The following DSCAML1 variants were observed in gnomAD, a reference collection of about 807,000 sequenced individuals.
DSCAML1 encodes the protein cell adhesion molecule DSCAML1.
DSCAML1 carries 38 observed loss-of-function variants against 200.5 expected under a neutral mutation model. The observed-to-expected ratio is 0.19, with a 90% confidence interval of 0.15 to 0.25. The LOEUF is 0.25. DSCAML1 is among the 10% of genes least tolerant of loss of function. DSCAML1 has a pLI of 1.00. For missense variants in DSCAML1, 2,223 were observed against 2,858.8 expected, an observed-to-expected ratio of 0.78 and a Z score of 5.07; for synonymous variants, 1,215 against 1,165.0, an observed-to-expected ratio of 1.04 and a Z score of -0.87.
In DSCAML1 at chr11:117,566,356, C is replaced by CT. The variant is rs367644615; in HGVS notation, c.512-33835dup. Among the ~76,000 whole-genome samples the CT allele has an allele frequency of 1.7e-3, 210 of 120,368 alleles. 1 individual carries two copies. Among genetic ancestry groups the CT allele is most frequent in the South Asian group, 4.8e-3 (20 of 4,144 alleles). 79.0% of individuals were successfully genotyped at this position (120,368 alleles called of 152,430 possible). ...TTCTTTTCTTTCTCTCTCTCTCTCT[C>CT]TTTTTTTTTTTTCTAGGGCCTTGCT... On this transcript the variant is annotated intron_variant, in intron 3 of 32. Coordinates refer to ENST00000651296, the MANE Select transcript of DSCAML1 (RefSeq NM_020693.4).
intron 3 of DSCAML1, among the ~76,000 whole-genome samples, chr11:117,569,948 A>C (rs762706153): frequency 2.0e-5 from 3 of 152,234 alleles, no homozygotes; most frequent in African/African-American, 7.2e-5. Context: ...GATGTGAATG[A>C]GAAATAAACT....
Position 117,471,930 on chromosome 11 carries a change from A to T in DSCAML1, c.2892T>A (p.Ser964=). The T allele has an allele frequency of 6.2e-7, 1 of 1,614,122 alleles. No homozygotes were observed. The highest frequency in any genetic ancestry group is 1.1e-5 in the South Asian group (1 of 91,062). ...PASVYSIRMY[S]FNKIGRSEPS... is the part of the protein sequence containing the mutation. ...GTTCACTGCGGCCAATCTTGTTGAA[A>T]GAGTACATGCGGATGCTGTACACAG... The change falls in exon 15 of 33, where the codon TCT becomes TCA. Residue 964 remains serine (S), a synonymous_variant. Coordinates refer to ENST00000651296, the MANE Select transcript of DSCAML1 (RefSeq NM_020693.4).
rs1227740809 is a variant in DSCAML1, at chr11:117,776,797, T to G, written c.505A>C (p.Ile169Leu). Residue 169 changes from isoleucine (I) to leucine (L), a missense_variant, in exon 3 of 33, where the codon ATC becomes CTC. Ile to Leu is a conservative substitution (Grantham distance 5). This residue lies in a region of DSCAML1 where 579 missense variants were observed against 721.5 expected (regional missense o/e 0.80). Transcript: ENST00000651296. The part of the protein sequence containing the change: ...VSWEKDTVSI[I>L]PEHRFFITYH... Reference sequence around the variant, plus strand: ...GCCCCGGGACGCTTCTTACCTGGGATGATGGAGACTGTGTCTTTCTCCCAA... The same window carrying G: ...GCCCCGGGACGCTTCTTACCTGGGAGGATGGAGACTGTGTCTTTCTCCCAA... 17 of 1,614,144 alleles carry G rather than the reference T, an allele frequency of 1.1e-5. No individual in the cohort carries two copies. Among genetic ancestry groups the G allele is most frequent in the Non-Finnish European group, 1.4e-5 (17 of 1,180,014 alleles).
intron 14 of DSCAML1, among the ~76,000 whole-genome samples, chr11:117,474,231 C>A (rs1382513846): frequency 6.6e-6 from 1 of 152,172 alleles, no homozygotes; most frequent in Non-Finnish European, 1.5e-5. Context: ...AATTTCTCTC[C>A]TGGCTTTTTG....
Position 117,602,485 on chromosome 11 carries a change from G to A in DSCAML1, c.512-69963C>T, listed in dbSNP as rs138856251. On this transcript the variant is annotated intron_variant, in intron 3 of 32. Transcript: ENST00000651296. Reference sequence around the variant, plus strand: ...AAGCAATCCTCCCACCTCAGCCTCCGGAGTAGCTGGGACCACAGGCATGCA... The same window carrying A: ...AAGCAATCCTCCCACCTCAGCCTCCAGAGTAGCTGGGACCACAGGCATGCA... Among the ~76,000 whole-genome samples, 1,481 of 152,164 alleles carry A rather than the reference G, an allele frequency of 9.7e-3. 29 individuals carry two copies. Among genetic ancestry groups the A allele is most frequent in the African/African-American group, 0.032 (1,348 of 41,534 alleles).
intron 3 of DSCAML1, among the ~76,000 whole-genome samples, chr11:117,755,765 T>C (rs1458381632): frequency 6.6e-6 from 1 of 152,146 alleles, no homozygotes; most frequent in Non-Finnish European, 1.5e-5. Context: ...CTCTGAGTGT[T>C]GGGGCTGACA....
rs548341645 is a variant in DSCAML1 at position 117,539,902 on chromosome 11, C to T, written c.512-7380G>A. On this transcript the variant is annotated intron_variant, in intron 3 of 32. Coordinates refer to ENST00000651296, the MANE Select transcript of DSCAML1 (RefSeq NM_020693.4). ...GTCCATCAACAGACAAATGGATAAA[C>T]GACATGTGATATATACATACAATGG... Among the ~76,000 whole-genome samples, 52 of 152,160 alleles carry T rather than the reference C, an allele frequency of 3.4e-4. 1 individual carries two copies. Among genetic ancestry groups the T allele is most frequent in the Middle Eastern group, 6.8e-3 (2 of 294 alleles).
intron 3 of DSCAML1, among the ~76,000 whole-genome samples, chr11:117,652,860 T>A (rs975192667): frequency 6.6e-5 from 10 of 152,052 alleles, no homozygotes; most frequent in African/African-American, 2.4e-4. Context: ...AAGCTTGGGG[T>A]CAGCTTCTCC....
At chr11:117,796,563 G>A (rs1186390501) in intron 1 of DSCAML1, among the ~76,000 whole-genome samples, 5 of 152,262 alleles carry the variant, frequency 3.3e-5, no homozygotes, top group Non-Finnish European at 5.9e-5. Flanking sequence ...GCTGGGGTCC[G>A]CGGCGGGAGA....
intron 21 of DSCAML1, among the ~76,000 whole-genome samples, chr11:117,441,525 C>CA (rs1555168452): frequency 6.6e-6 from 1 of 151,816 alleles, no homozygotes; most frequent in African/African-American, 2.4e-5. Flanking sequence ...ACAGAAGGTG[C>CA]GGGGCCACAG....
At chr11:117,640,937 A>C (rs928890483) in intron 3 of DSCAML1, among the ~76,000 whole-genome samples, 2 of 152,220 alleles carry the variant, frequency 1.3e-5, no homozygotes, top group Non-Finnish European at 2.9e-5. Context: ...CCATGAGCAC[A>C]TATGTCTGTG....
At chr11:117,517,835 G>A (rs1759888228) in intron 7 of DSCAML1, among the ~76,000 whole-genome samples, 1 of 152,358 alleles carries the variant, frequency 6.6e-6, no homozygotes, top group Middle Eastern at 3.4e-3. Context: ...GAACTGAGAT[G>A]TGGGGATGAT....
At chr11:117,456,490 A>G (rs1592604879) in intron 19 of DSCAML1, among the ~76,000 whole-genome samples, 1 of 152,170 alleles carries the variant, frequency 6.6e-6, no homozygotes, top group African/African-American at 2.4e-5. Flanking sequence ...AGTAGCTTTC[A>G]CTCTGAAGGC....
rs545302539 is a variant in DSCAML1 at position 117,569,774 on chromosome 11, A to G, written c.512-37252T>C. ...ACCAACAGATGCAGTTGAAATGATG[A>G]ACTCACTCCAGGCCTGGCTCCCAAG... is the stretch of plus-strand genomic sequence containing the variant. On this transcript the variant is annotated intron_variant, in intron 3 of 32. Coordinates refer to ENST00000651296, the MANE Select transcript of DSCAML1 (RefSeq NM_020693.4). Among the ~76,000 whole-genome samples the G allele has an allele frequency of 2.0e-5, 3 of 152,294 alleles. No homozygotes were observed. In the East Asian group the frequency reaches 5.8e-4, roughly 29 times the overall value.
In DSCAML1 at chr11:117,767,732, G is replaced by T. The variant is rs180706911; in HGVS notation, c.511+9059C>A. ...TGGAGTCACTGTTACAAGGAAGAAG[G>T]TTGCACTTTGGGTACAGAAGCTCTG... On this transcript the variant is annotated intron_variant, in intron 3 of 32. Transcript: ENST00000651296. Among the ~76,000 whole-genome samples, 6 of 152,304 alleles carry T rather than the reference G, an allele frequency of 3.9e-5. No individual in the cohort carries two copies. The East Asian group carries it at 1.2e-3, about 29-fold the overall frequency.
intron 11 of DSCAML1, among the ~76,000 whole-genome samples, chr11:117,482,852 C>A (rs2048957692): frequency 6.6e-6 from 1 of 152,212 alleles, no homozygotes; most frequent in Admixed American, 6.5e-5. Context: ...CTCTGGACCC[C>A]AGGTTAAGAA....
chr11:117,513,740 C>CAAAAAA (rs58490526), intron 8 of DSCAML1, among the ~76,000 whole-genome samples: 1 of 77,792 alleles, frequency 1.3e-5, no homozygotes. Context: ...GACTCTATCT[C>CAAAAAA]AAAAAAAAAA....
At chr11:117,608,735 A>G (rs1472889182) in intron 3 of DSCAML1, among the ~76,000 whole-genome samples, 1 of 152,238 alleles carries the variant, frequency 6.6e-6, no homozygotes, top group Non-Finnish European at 1.5e-5. Flanking sequence ...ATTCATAGAA[A>G]TAAAGTTATC....
intron 3 of DSCAML1, among the ~76,000 whole-genome samples, chr11:117,756,996 C>G (rs2054704846): frequency 5.9e-5 from 9 of 152,126 alleles, no homozygotes; most frequent in Admixed American, 5.9e-4. Context: ...AGGATGGGCA[C>G]TGTCCTCAAG....
Sources: gnomAD v4.1 joint callset for allele counts (sites outside exome capture counted in the v4.1 genomes callset) on GRCh38, gnomAD v4.1.1 for gene constraint, gnomAD v4.1.1 regional missense constraint, MANE v1.5 for transcripts, NCBI Gene and HGNC (gene_info 2026-07-23, HGNC 2026-07-21) for gene names.